The following RBM33 variants were observed in gnomAD, a reference collection of about 807,000 sequenced individuals.
The protein encoded by RBM33 is RNA-binding protein 33.
In RBM33, 28 loss-of-function variants were observed where a neutral mutation model predicts 132.6. The observed-to-expected ratio is 0.21, with a 90% confidence interval of 0.16 to 0.29. The LOEUF (loss-of-function observed/expected upper bound fraction) is 0.29. Among genes scored for constraint, RBM33 ranks in the 10% least tolerant of loss-of-function variants. The pLI is 1.00. For missense variants in RBM33, 1,291 were observed against 1,518.5 expected, an observed-to-expected ratio of 0.85 and a Z score of 2.49; for synonymous variants, 634 against 593.0, an observed-to-expected ratio of 1.07 and a Z score of -1.01.
rs184235165 is a variant in RBM33 at position 155,690,390 on chromosome 7, T to C, written c.567+9482T>C. ...CTGCACGTGAGATGGGTTTCCTGAA[T>C]ATAGCACAGTGAGGGGTCTTGACTC... On this transcript the variant is annotated intron_variant, in intron 5 of 17. Coordinates refer to ENST00000401878, the MANE Select transcript of RBM33 (RefSeq NM_053043.3). Among the ~76,000 whole-genome samples the C allele has an allele frequency of 1.2e-4, 18 of 152,296 alleles. No individual in the cohort carries two copies. The East Asian group carries it at 2.7e-3, about 23-fold the overall frequency.
At chr7:155,741,694 C>T in intron 12 of RBM33, 125 bp from the exon 13 acceptor site, 1 of 893,590 alleles carries the variant, frequency 1.1e-6, no homozygotes, top group Non-Finnish European at 1.7e-6. Context: ...AAAGTATCTG[C>T]TCCCCAAAAG....
chr7:155,757,070 GA>G (rs1315160975), intron 14 of RBM33, among the ~76,000 whole-genome samples: 1 of 152,150 alleles, frequency 6.6e-6, no homozygotes, highest in East Asian at 1.9e-4. Context: ...TGTCCATTGG[GA>G]AAGGTGAAAT....
chr7:155,686,510 A>G (rs1799482239), intron 5 of RBM33, among the ~76,000 whole-genome samples: 1 of 151,112 alleles, frequency 6.6e-6, no homozygotes, highest in South Asian at 2.1e-4. Flanking sequence ...TTTAAGTTCT[A>G]GGGTACATGT....
At position 155,778,090 on chromosome 7, in the gene RBM33, T is replaced by G. The variant is rs1322085045; in HGVS notation, c.*3049T>G. The stretch of plus-strand genomic sequence containing the variant: ...TCTAAAGAGTAAATCTCATCATTTT[T>G]CCAGACAAATTTTGAGGGGTTTCTC... On this transcript the variant is annotated 3_prime_UTR_variant, in exon 18 of 18. Coordinates refer to ENST00000401878, the MANE Select transcript of RBM33 (RefSeq NM_053043.3). The surrounding 1 kb of genome is among the most constrained non-coding windows in gnomAD (Gnocchi z 4.0). 6.5e-6 allele frequency: 1 copy of G among 152,678 alleles called. No individual in the cohort carries two copies. Among genetic ancestry groups the G allele is most frequent in the Non-Finnish European group, 1.5e-5 (1 of 68,048 alleles). The allele number at this position is 152,678 out of a possible 1,614,324, so 9.5% of individuals were successfully genotyped here.
At chr7:155,692,989 G>A (rs555362411) in intron 5 of RBM33, among the ~76,000 whole-genome samples, 2 of 152,126 alleles carry the variant, frequency 1.3e-5, no homozygotes, top group East Asian at 1.9e-4. Context: ...AAAGGTGCTC[G>A]TGATGCATTA....
rs1563138321 is a variant in RBM33 at position 155,673,945 on chromosome 7, T to TG, written c.171+1030_171+1031insG. 3.6e-3 allele frequency among the ~76,000 whole-genome samples: 317 copies of TG among 88,428 alleles called. 47 individuals are homozygous for TG. Among genetic ancestry groups the TG allele is most frequent in the South Asian group, 0.022 (47 of 2,094 alleles). The allele number at this position is 88,428 out of a possible 152,430, so 58.0% of individuals were successfully genotyped here. A position where few individuals can be genotyped will look rare whatever the true frequency, so the allele number is the denominator to read the frequency against. On this transcript the variant is annotated intron_variant, in intron 3 of 17. Coordinates refer to ENST00000401878, the MANE Select transcript of RBM33 (RefSeq NM_053043.3). ...ATCAAGATAGTTTAGGCTTAGTTTT[T>TG]TTTTTTTTTTTTTTTTTTTTTTTTT... is the stretch of plus-strand genomic sequence containing the variant.
In RBM33 at chr7:155,766,598, C is replaced by A; in HGVS notation, c.3318C>A (p.Ser1106=). ...QPCVVSVEGL[S]SSTTDAQLKS... ...GCGTGGTGTCTGTGGAGGGGCTGTC[C>A]TCGTCCACCACGGATGCCCAGCTGA... Residue 1106 remains serine, a synonymous_variant, in exon 16 of 18, where the codon TCC becomes TCA. Transcript: ENST00000401878. 1 of 1,612,674 alleles carries A rather than the reference C, an allele frequency of 6.2e-7. No individual in the cohort carries two copies. Among genetic ancestry groups the A allele is most frequent in the Non-Finnish European group, 8.5e-7 (1 of 1,179,434 alleles).
chr7:155,702,275 C>T (rs912695539), intron 6 of RBM33, among the ~76,000 whole-genome samples: 2 of 152,154 alleles, frequency 1.3e-5, no homozygotes, highest in Non-Finnish European at 2.9e-5. Context: ...TTCAAAGATG[C>T]ACAAGATAGC....
At chr7:155,705,885 G>GCT (rs1158047224) in intron 6 of RBM33, among the ~76,000 whole-genome samples, 1 of 152,182 alleles carries the variant, frequency 6.6e-6, no homozygotes, top group Admixed American at 6.5e-5. Context: ...ATGTGACTTT[G>GCT]CTCTCATTTG....
At chr7:155,735,565 T>G (rs552162832) in intron 9 of RBM33, among the ~76,000 whole-genome samples, 1 of 151,918 alleles carries the variant, frequency 6.6e-6, no homozygotes, top group South Asian at 2.1e-4. Flanking sequence ...GGATGTGGTG[T>G]CATGCTCTGT....
chr7:155,667,250 G>A (rs1798824359), intron 2 of RBM33, among the ~76,000 whole-genome samples: 1 of 152,114 alleles, frequency 6.6e-6, no homozygotes, highest in African/African-American at 2.4e-5. Context: ...TTCTATATAT[G>A]TGAGGTTTAT....
intron 8 of RBM33, 50 bp from the exon 9 acceptor site, chr7:155,718,335 T>A (rs766636830): frequency 7.0e-7 from 1 of 1,430,422 alleles, no homozygotes; most frequent in East Asian, 2.3e-5. Context: ...CTTACAGGGG[T>A]TTGAGTGTTG....
At chr7:155,763,669 G>GT in intron 14 of RBM33, 143 bp from the exon 15 acceptor site, 1 of 748,698 alleles carries the variant, frequency 1.3e-6, no homozygotes. Context: ...TGGCTCTAGT[G>GT]AAATGACAAG....
intron 5 of RBM33, among the ~76,000 whole-genome samples, chr7:155,688,956 G>C (rs922789104): frequency 2.6e-5 from 4 of 152,148 alleles, no homozygotes; most frequent in African/African-American, 9.7e-5. Context: ...GTCTCTGCCA[G>C]GCTTTGGTAT....
intron 14 of RBM33, among the ~76,000 whole-genome samples, chr7:155,754,310 C>T (rs1801777840): frequency 6.6e-6 from 1 of 152,142 alleles, no homozygotes; most frequent in East Asian, 1.9e-4. Context: ...AACTTCCCTC[C>T]CCTAACTTTC....
Position 155,739,753 on chromosome 7 carries a change from T to TCAGCCTCAG in RBM33, c.1779_1787dup (p.Pro597_Gln599dup), listed in dbSNP as rs1801253572. On this transcript the variant is annotated inframe_insertion, in exon 12 of 18. Transcript: ENST00000401878. ...CTCCATTGCCCCCTCCGCATCAGCC[T>TCAGCCTCAG]CAGCCTCAGCAACCTCAGCAACAGC... 6.5e-7 allele frequency: 1 copy of TCAGCCTCAG among 1,547,236 alleles called. No individual in the cohort carries two copies. Among genetic ancestry groups the TCAGCCTCAG allele is most frequent in the Non-Finnish European group, 8.7e-7 (1 of 1,145,494 alleles).
At chr7:155,768,936 T>C (rs1464912039) in intron 16 of RBM33, among the ~76,000 whole-genome samples, 1 of 152,216 alleles carries the variant, frequency 6.6e-6, no homozygotes, top group African/African-American at 2.4e-5. Flanking sequence ...AACTATACTT[T>C]TTAAACCCAT....
intron 1 of RBM33, among the ~76,000 whole-genome samples, chr7:155,655,052 T>C (rs1798454804): frequency 6.6e-6 from 1 of 152,134 alleles, no homozygotes; most frequent in South Asian, 2.1e-4. Context: ...AATAAATGAG[T>C]TTTTTAAAAG....
intron 3 of RBM33, among the ~76,000 whole-genome samples, chr7:155,673,520 A>T (rs1799018665): frequency 7.0e-6 from 1 of 141,870 alleles, no homozygotes; most frequent in African/African-American, 2.7e-5. Flanking sequence ...ACACGTGTAT[A>T]TATATACACA....
Sources: gnomAD v4.1 joint callset for allele counts (sites outside exome capture counted in the v4.1 genomes callset) on GRCh38, gnomAD v4.1.1 for gene constraint, Gnocchi (gnomAD v3.1) non-coding constraint, MANE v1.5 for transcripts, NCBI Gene and HGNC (gene_info 2026-07-23, HGNC 2026-07-21) for gene names.